The following PLVAP variants were observed in gnomAD, a reference collection of about 807,000 sequenced individuals.
The protein encoded by PLVAP is plasmalemma vesicle associated protein.
A neutral mutation model predicts 43.1 loss-of-function variants in PLVAP; 34 were observed. The observed-to-expected ratio is 0.79, with a 90% CI of 0.60 to 1.05. The LOEUF is 1.05. PLVAP is among the 50% of genes least tolerant of loss of function. The pLI, the probability that PLVAP is intolerant of heterozygous loss-of-function variation, is 0.00. For missense variants in PLVAP, 574 were observed against 593.4 expected (o/e 0.97, Z 0.34); for synonymous variants, 241 against 237.3 (o/e 1.02, Z -0.14).
intron 1 of PLVAP, among the ~76,000 whole-genome samples, chr19:17,370,699 T>G (rs527293249): frequency 1.3e-5 from 2 of 152,144 alleles, no homozygotes; most frequent in African/African-American, 4.8e-5. Flanking sequence ...GGTGAAAATG[T>G]TCTAAAATAA....
At position 17,377,001 on chromosome 19, in the gene PLVAP, A is replaced by T. The variant is rs767407051; in HGVS notation, c.288T>A (p.Asp96Glu). Residue 96 changes from aspartate to glutamate, a missense_variant, in exon 1 of 6, where the codon GAT becomes GAA. Asp to Glu is a conservative substitution (Grantham distance 45). Transcript: ENST00000252590. ...CATTCAGCCACATCTGCATGATGGC[A>T]TCCTTGGCGCGGGTGGTGAAGTTGA... ...KELNFTTRAK[D>E]AIMQMWLNAR... The T allele has an allele frequency of 6.2e-7, 1 of 1,613,984 alleles. No individual in the cohort carries two copies. Among genetic ancestry groups the T allele is most frequent in the Non-Finnish European group, 8.5e-7 (1 of 1,180,036 alleles).
chr19:17,360,771 C>T lies in PLVAP; in HGVS notation c.1240+1G>A. ...ACTTGGCTCTGTCTTTTGTCACTCA[C>T]CGATGGGCTGGGGGTTGGGGACAGG... On this transcript the variant is annotated splice_donor_variant, in intron 4 of 5. Coordinates refer to ENST00000252590, the MANE Select transcript of PLVAP (RefSeq NM_031310.3). LOFTEE classifies it high-confidence loss of function. 1 of 1,613,354 alleles carries T rather than the reference C, an allele frequency of 6.2e-7. No individual in the cohort carries two copies. The highest frequency in any genetic ancestry group is 8.5e-7 in the Non-Finnish European group (1 of 1,179,308).
In PLVAP at chr19:17,365,802, C is replaced by A; in HGVS notation, c.663G>T (p.Val221=). Residue 221 remains valine, a synonymous_variant, in exon 3 of 6, where the codon GTG becomes GTT. Coordinates refer to ENST00000252590, the MANE Select transcript of PLVAP (RefSeq NM_031310.3). ...RQLAKEQLQK[V]QALCLPLDKD... is the part of the protein sequence containing the mutation. ...TGTCCAGGGGCAGGCAGAGGGCTTG[C>A]ACCTTTTGCAGTTGCTCCTTGGCCA... 6.2e-7 allele frequency: 1 copy of A among 1,614,176 alleles called. No homozygotes were observed.
intron 1 of PLVAP, among the ~76,000 whole-genome samples, chr19:17,371,964 G>A (rs1413482923): frequency 1.3e-5 from 2 of 151,672 alleles, no homozygotes; most frequent in African/African-American, 2.4e-5. Flanking sequence ...GTCCTGGGGG[G>A]ACATGGGGAA....
In PLVAP at chr19:17,377,113, T is replaced by C. The variant is rs751234978; in HGVS notation, c.176A>G (p.Asn59Ser). Residue 59 changes from asparagine (N) to serine (S), a missense_variant, in exon 1 of 6, where the codon AAC becomes AGC. Physicochemically the swap from Asn to Ser is conservative, Grantham distance 46. Transcript: ENST00000252590. Reference sequence around the variant, plus strand: ...GGCTCGGCGCTCGGTGGCCTGCAGGTTGGACTCTGTGCTCACGTGCACGTT... The same window carrying C: ...GGCTCGGCGCTCGGTGGCCTGCAGGCTGGACTCTGTGCTCACGTGCACGTT... Reference protein sequence around the residue: ...YGNVHVSTESNLQATERRAEG... With the variant: ...YGNVHVSTESSLQATERRAEG... The C allele has an allele frequency of 1.2e-5, 20 of 1,614,160 alleles. No homozygotes were observed. Among genetic ancestry groups the C allele is most frequent in the Non-Finnish European group, 1.5e-5 (18 of 1,180,020 alleles).
chr19:17,365,275 T>C lies in PLVAP; in HGVS notation c.1179+11A>G, dbSNP rs2145722647. 6.2e-7 allele frequency: 1 copy of C among 1,600,198 alleles called. No individual in the cohort carries two copies. The highest frequency in any genetic ancestry group is 8.5e-7 in the Non-Finnish European group (1 of 1,172,334). On this transcript the variant is annotated intron_variant, in intron 3 of 5. Coordinates refer to ENST00000252590, the MANE Select transcript of PLVAP (RefSeq NM_031310.3). ...TCCACTGCAGCCTCCCTCTGGGGCC[T>C]GCAAGCCCACCTTGGTCTTGATGCA...
intron 3 of PLVAP, chr19:17,361,102 G>C (rs917499713): frequency 2.6e-6 from 1 of 386,316 alleles, no homozygotes; most frequent in African/African-American, 2.1e-5. Context: ...TTTTAATAGA[G>C]CTGGGGTTTC....
At chr19:17,366,278 G>C (rs2074549939) in intron 1 of PLVAP, 83 bp from the exon 2 acceptor site, 2 of 1,351,504 alleles carry the variant, frequency 1.5e-6, no homozygotes, top group South Asian at 1.2e-5. Flanking sequence ...CGAGCACCCT[G>C]GTGGCCAGAG....
At chr19:17,354,011 C>T (rs952728113) in intron 5 of PLVAP, among the ~76,000 whole-genome samples, 10 of 152,172 alleles carry the variant, frequency 6.6e-5, no homozygotes, top group African/African-American at 1.2e-4. Flanking sequence ...CCCATACGGC[C>T]GGGCGCGGTG....
At chr19:17,357,759 CCT>C (rs2074512138) in intron 5 of PLVAP, among the ~76,000 whole-genome samples, 1 of 152,246 alleles carries the variant, frequency 6.6e-6, no homozygotes, top group African/African-American at 2.4e-5. Context: ...TTGCCCCCGG[CCT>C]CTCTCAGGGG....
intron 4 of PLVAP, 34 bp from the exon 5 acceptor site, chr19:17,360,643 G>A (rs760678717): frequency 6.3e-7 from 1 of 1,595,602 alleles, no homozygotes; most frequent in Non-Finnish European, 8.6e-7. Context: ...TTGACCTACA[G>A]CTTCAGTTGC....
chr19:17,364,737 G>A lies in PLVAP; in HGVS notation c.1179+549C>T, dbSNP rs567130063. On this transcript the variant is annotated intron_variant, in intron 3 of 5. Coordinates refer to ENST00000252590, the MANE Select transcript of PLVAP (RefSeq NM_031310.3). ...CAACCCTTCACCCAACCCTAGACCC[G>A]ATATCCACCCTACCTCTAATTCCAG... is the stretch of plus-strand genomic sequence containing the variant. Among the ~76,000 whole-genome samples, 9 of 142,500 alleles carry A rather than the reference G, an allele frequency of 6.3e-5. No homozygotes were observed. In the East Asian group the frequency reaches 1.3e-3, roughly 20 times the overall value. The allele number at this position is 142,500 out of a possible 152,430, so 93.5% of individuals were successfully genotyped here. A position where few individuals can be genotyped will look rare whatever the true frequency, so the allele number is the denominator to read the frequency against.
At chr19:17,376,781 G>C in intron 1 of PLVAP, 139 bp downstream of exon 1, 1 of 909,964 alleles carries the variant, frequency 1.1e-6, no homozygotes, top group Non-Finnish European at 1.6e-6. Context: ...CTGGGAGACG[G>C]AGCGAGACTC....
At position 17,365,583 on chromosome 19, in the gene PLVAP, G is replaced by T. The variant is rs781598089; in HGVS notation, c.882C>A (p.Ile294=). The change falls in exon 3 of 6, where the codon ATC becomes ATA. Residue 294 remains isoleucine (I), a synonymous_variant. Transcript: ENST00000252590. ...CTGAGTTCTCGCGGGCCACGCGTTCGATATCCGCCCGGAGGCTCCGGGCCA... is the reference window on the plus strand; with the variant it reads ...CTGAGTTCTCGCGGGCCACGCGTTCTATATCCGCCCGGAGGCTCCGGGCCA... The part of the protein sequence containing the change: ...EELARSLRAD[I]ERVARENSDL... 6.2e-7 allele frequency: 1 copy of T among 1,612,440 alleles called. No homozygotes were observed. The highest frequency in any genetic ancestry group is 1.7e-5 in the Admixed American group (1 of 59,996).
At chr19:17,374,448 G>C (rs994797059) in intron 1 of PLVAP, among the ~76,000 whole-genome samples, 1 of 152,134 alleles carries the variant, frequency 6.6e-6, no homozygotes, top group Admixed American at 6.6e-5. Flanking sequence ...CTGGGTGAAA[G>C]AGTGAGACTC....
intron 1 of PLVAP, among the ~76,000 whole-genome samples, chr19:17,372,760 A>AT (rs967514504): frequency 6.1e-5 from 9 of 148,228 alleles, no homozygotes; most frequent in African/African-American, 1.5e-4. Flanking sequence ...CCGGCCAATA[A>AT]TTTTTTTTTA....
At chr19:17,372,614 A>G (rs1321283383) in intron 1 of PLVAP, among the ~76,000 whole-genome samples, 20 of 148,112 alleles carry the variant, frequency 1.4e-4, no homozygotes, top group East Asian at 6.5e-4. Context: ...CCACCACCAC[A>G]CCTGGCTAAT....
At chr19:17,376,622 A>AC (rs2074596253) in intron 1 of PLVAP, among the ~76,000 whole-genome samples, 1 of 151,916 alleles carries the variant, frequency 6.6e-6, no homozygotes, top group African/African-American at 2.4e-5. Context: ...ACATGGTGAA[A>AC]CCCCATCTCT....
intron 3 of PLVAP, among the ~76,000 whole-genome samples, chr19:17,361,913 T>TAA (rs1223105980): frequency 2.1e-5 from 2 of 95,794 alleles, no homozygotes; most frequent in Non-Finnish European, 4.0e-5. Flanking sequence ...CTACTAAAAA[T>TAA]AAAAAAAAAT....
Sources: gnomAD v4.1 joint callset for allele counts (sites outside exome capture counted in the v4.1 genomes callset) on GRCh38, gnomAD v4.1.1 for gene constraint, MANE v1.5 for transcripts, NCBI Gene and HGNC (gene_info 2026-07-23, HGNC 2026-07-21) for gene names.